KCNMA1: variants seen among roughly 807,000 people sequenced by gnomAD.
KCNMA1 encodes the protein Calcium-activated potassium channel subunit alpha-1.
In KCNMA1, 29 loss-of-function variants were observed where a neutral mutation model predicts 140.0. That is an observed-to-expected ratio of 0.21 (90% CI 0.15 to 0.28). The LOEUF (loss-of-function observed/expected upper bound fraction) is 0.28, where lower values mean the gene tolerates loss of function less well. Among genes scored for constraint, KCNMA1 ranks in the 10% least tolerant of loss-of-function variants. KCNMA1 has a pLI of 1.00. For missense variants in KCNMA1, 880 were observed against 1,602.2 expected, an observed-to-expected ratio of 0.55 and a Z score of 7.70; for synonymous variants, 612 against 611.9, an observed-to-expected ratio of 1.00 and a Z score of 0.00.
chr10:77,484,609 C>A (rs2098440188), intron 1 of KCNMA1, among the ~76,000 whole-genome samples: 1 of 152,220 alleles, frequency 6.6e-6, no homozygotes, highest in Non-Finnish European at 1.5e-5. Flanking sequence ...GCAGCAGGAG[C>A]AGAACCAGGA....
chr10:76,947,826 T>C (rs929336576), intron 22 of KCNMA1, among the ~76,000 whole-genome samples: 2 of 152,226 alleles, frequency 1.3e-5, no homozygotes, highest in African/African-American at 2.4e-5. Flanking sequence ...TAACATGTAC[T>C]GCTTGTGGAT....
intron 1 of KCNMA1, among the ~76,000 whole-genome samples, chr10:77,445,866 C>T (rs990023233): frequency 6.6e-6 from 1 of 152,168 alleles, no homozygotes; most frequent in Non-Finnish European, 1.5e-5. Flanking sequence ...ATGACAACAC[C>T]CAAGCCAGGG....
At chr10:77,121,659 A>G (rs975590948) in intron 5 of KCNMA1, among the ~76,000 whole-genome samples, 2 of 152,176 alleles carry the variant, frequency 1.3e-5, no homozygotes. Context: ...ATTAAGTGTT[A>G]AGATAAATGG....
intron 23 of KCNMA1, among the ~76,000 whole-genome samples, chr10:76,927,694 C>T (rs1398099071): frequency 6.6e-6 from 1 of 152,134 alleles, no homozygotes; most frequent in African/African-American, 2.4e-5. Flanking sequence ...ACAATTACAA[C>T]ATTGCTGACA....
chr10:77,311,358 T>C (rs2079231246), intron 2 of KCNMA1, among the ~76,000 whole-genome samples: 1 of 152,054 alleles, frequency 6.6e-6, no homozygotes. Flanking sequence ...AGCGAACTCA[T>C]ACTATAGGCT....
chr10:77,453,101 C>T (rs1020136609), intron 1 of KCNMA1, among the ~76,000 whole-genome samples: 10 of 152,186 alleles, frequency 6.6e-5, no homozygotes, highest in Admixed American at 2.6e-4. Flanking sequence ...GTAAAGGAAA[C>T]GTTTCAGGTT....
chr10:77,239,367 C>A (rs1354502263), intron 3 of KCNMA1, among the ~76,000 whole-genome samples: 2 of 152,172 alleles, frequency 1.3e-5, no homozygotes, highest in African/African-American at 4.8e-5. Flanking sequence ...TCATTTTCTG[C>A]ATTTTCTGGC....
intron 1 of KCNMA1, among the ~76,000 whole-genome samples, chr10:77,567,337 C>A (rs1366594528): frequency 1.3e-5 from 2 of 152,218 alleles, no homozygotes; most frequent in Non-Finnish European, 2.9e-5. Context: ...GGTGGAGAGG[C>A]ACGGCCAGAG....
At chr10:77,201,782 A>G (rs1256726349) in intron 3 of KCNMA1, among the ~76,000 whole-genome samples, 2 of 152,270 alleles carry the variant, frequency 1.3e-5, no homozygotes, top group South Asian at 2.1e-4. Context: ...GAGAGGTAAT[A>G]AAACAAATTT....
Position 77,244,938 on chromosome 10 carries a change from T to C in KCNMA1, c.602+6257A>G, listed in dbSNP as rs772530637. ...CTTTCAACAGCTGCTGGCTCTCCTG[T>C]TGTGTTCCCTTCACAGATGTGCAGT... On this transcript the variant is annotated intron_variant, in intron 3 of 27. Coordinates refer to ENST00000286628, the MANE Select transcript of KCNMA1 (RefSeq NM_001161352.2). Among the ~76,000 whole-genome samples, 5 of 152,198 alleles carry C rather than the reference T, an allele frequency of 3.3e-5. No individual in the cohort carries two copies. In the East Asian group the frequency reaches 7.7e-4, roughly 23 times the overall value.
intron 3 of KCNMA1, among the ~76,000 whole-genome samples, chr10:77,235,121 T>C (rs1444280525): frequency 6.6e-6 from 1 of 152,234 alleles, no homozygotes; most frequent in Non-Finnish European, 1.5e-5. Context: ...CCTGTTCTTT[T>C]CTTTCCTGGG....
chr10:77,483,986 C>G (rs2098433563), intron 1 of KCNMA1, among the ~76,000 whole-genome samples: 1 of 152,168 alleles, frequency 6.6e-6, no homozygotes, highest in Admixed American at 6.5e-5. Flanking sequence ...TAAGCTGAGG[C>G]CAGGATCTAG....
chr10:77,570,656 G>A (rs184412553), intron 1 of KCNMA1, among the ~76,000 whole-genome samples: 1,939 of 148,354 alleles, frequency 0.013, 53 homozygotes, highest in African/African-American at 0.046. Context: ...GTTAGTGGGT[G>A]CAGCGCACCA....
chr10:77,084,821 G>GAAAAAA, intron 11 of KCNMA1, 102 bp from the exon 12 acceptor site: 1 of 632,926 alleles, frequency 1.6e-6, no homozygotes, highest in Non-Finnish European at 2.7e-6. Context: ...GCTTTGCAAA[G>GAAAAAA]AAAAAAAAAA....
At chr10:77,445,919 G>A (rs2097521112) in intron 1 of KCNMA1, among the ~76,000 whole-genome samples, 1 of 152,282 alleles carries the variant, frequency 6.6e-6, no homozygotes, top group South Asian at 2.1e-4. Flanking sequence ...CATGCAACAG[G>A]GACTCAAGGT....
At position 77,328,122 on chromosome 10, in the gene KCNMA1, T is replaced by A. The variant is rs905591219; in HGVS notation, c.540+75740A>T. Among the ~76,000 whole-genome samples the A allele has an allele frequency of 4.6e-4, 70 of 152,312 alleles. 1 individual carries two copies. Among genetic ancestry groups the A allele is most frequent in the Admixed American group, 5.2e-4 (8 of 15,296 alleles). On this transcript the variant is annotated intron_variant, in intron 2 of 27. Transcript: ENST00000286628. ...ATCTGTCTGTGTCTCATTTTCTTCA[T>A]CTAAAACTATTCATATCCCCAAGAT...
intron 20 of KCNMA1, among the ~76,000 whole-genome samples, chr10:76,965,352 C>T (rs1268898589): frequency 2.0e-5 from 3 of 152,288 alleles, no homozygotes; most frequent in East Asian, 1.9e-4. Flanking sequence ...AGCACACAAA[C>T]GGCCTTGGCA....
chr10:77,568,353 G>A (rs1409043953), intron 1 of KCNMA1, among the ~76,000 whole-genome samples: 1 of 152,094 alleles, frequency 6.6e-6, no homozygotes, highest in Non-Finnish European at 1.5e-5. Context: ...CTGGCAAACC[G>A]AATCCAGCAG....
At chr10:76,940,957 C>A (rs1331886032) in intron 23 of KCNMA1, among the ~76,000 whole-genome samples, 2 of 129,658 alleles carry the variant, frequency 1.5e-5, no homozygotes, top group African/African-American at 3.0e-5. Context: ...AGAGACTCTA[C>A]CTCGAAAGAA....
Sources: gnomAD v4.1 joint callset for allele counts (sites outside exome capture counted in the v4.1 genomes callset) on GRCh38, gnomAD v4.1.1 for gene constraint, MANE v1.5 for transcripts, NCBI Gene and HGNC (gene_info 2026-07-23, HGNC 2026-07-21) for gene names.